NPHP1: variants seen among roughly 807,000 people sequenced by gnomAD.
NPHP1 encodes nephrocystin-1.
In NPHP1, 70 loss-of-function variants were observed where a neutral mutation model predicts 90.4. That is an observed-to-expected ratio of 0.77 (90% CI 0.64 to 0.95). The LOEUF (loss-of-function observed/expected upper bound fraction) is 0.95. NPHP1 is among the 40% of genes least tolerant of loss of function. The pLI is 0.00. For missense variants in NPHP1, 764 were observed against 795.9 expected (o/e 0.96, Z 0.48); for synonymous variants, 256 against 271.7 (o/e 0.94, Z 0.57).
intron 11 of NPHP1, among the ~76,000 whole-genome samples, chr2:110,151,605 T>C (rs868551408): frequency 6.6e-6 from 1 of 152,152 alleles, no homozygotes; most frequent in South Asian, 2.1e-4. Flanking sequence ...GTAGTAGGAA[T>C]ATAGGAGTAT....
At chr2:110,193,661 T>C (rs1453064323) in intron 2 of NPHP1, among the ~76,000 whole-genome samples, 2 of 152,176 alleles carry the variant, frequency 1.3e-5, no homozygotes, top group South Asian at 2.1e-4. Context: ...GTGGACCTAA[T>C]AGACATCTAC....
chr2:110,158,358 T>A (rs1457863974), intron 11 of NPHP1, among the ~76,000 whole-genome samples: 1 of 152,116 alleles, frequency 6.6e-6, no homozygotes, highest in Non-Finnish European at 1.5e-5. Context: ...TTACTAATTT[T>A]CTGTCTGCTT....
intron 2 of NPHP1, among the ~76,000 whole-genome samples, chr2:110,196,843 T>C (rs572826312): frequency 1.3e-5 from 2 of 152,164 alleles, no homozygotes; most frequent in Non-Finnish European, 2.9e-5. Context: ...GATGAGTTCA[T>C]GTCCTTTGAA....
intron 2 of NPHP1, among the ~76,000 whole-genome samples, chr2:110,193,522 C>A (rs1219037957): frequency 6.6e-6 from 1 of 152,016 alleles, no homozygotes; most frequent in Non-Finnish European, 1.5e-5. Flanking sequence ...CCTTAGAGAC[C>A]TAGAAAGAGA....
intron 16 of NPHP1, among the ~76,000 whole-genome samples, chr2:110,133,692 T>C (rs1302099219): frequency 6.6e-6 from 1 of 152,128 alleles, no homozygotes; most frequent in East Asian, 1.9e-4. Context: ...CTTTTTTCAA[T>C]CATAATGAAA....
intron 19 of NPHP1, chr2:110,124,698 A>C: frequency 5.7e-6 from 1 of 174,066 alleles, no homozygotes. Flanking sequence ...CACAGGCAGC[A>C]GAGTCTACAC....
At chr2:110,176,166 A>C (rs766667603) in intron 4 of NPHP1, among the ~76,000 whole-genome samples, 34 of 152,014 alleles carry the variant, frequency 2.2e-4, no homozygotes, top group Non-Finnish European at 5.9e-5. Flanking sequence ...TAATTCTCAC[A>C]TCTCCGAGCT....
At chr2:110,160,355 A>C (rs913288239) in intron 10 of NPHP1, 100 bp from the exon 11 acceptor site, 2 of 910,930 alleles carry the variant, frequency 2.2e-6, no homozygotes, top group African/African-American at 3.4e-5. Flanking sequence ...CAGAATTTTT[A>C]AAAAAGAAAA....
At chr2:110,136,421 AC>A (rs919627926) in intron 16 of NPHP1, among the ~76,000 whole-genome samples, 2 of 152,190 alleles carry the variant, frequency 1.3e-5, no homozygotes, top group African/African-American at 4.8e-5. Flanking sequence ...TATCTAGAAA[AC>A]CCCATTGTCT....
chr2:110,193,473 T>A (rs1341810025), intron 2 of NPHP1, among the ~76,000 whole-genome samples: 3 of 152,090 alleles, frequency 2.0e-5, no homozygotes, highest in African/African-American at 7.2e-5. Flanking sequence ...TAAATATATA[T>A]GCACCCAATA....
chr2:110,160,932 A>G (rs936587162), intron 10 of NPHP1, among the ~76,000 whole-genome samples: 1 of 151,962 alleles, frequency 6.6e-6, no homozygotes, highest in African/African-American at 2.4e-5. Context: ...TTTGGGAGGG[A>G]TAGGAGGGCA....
chr2:110,172,765 G>A (rs781426819), intron 4 of NPHP1, among the ~76,000 whole-genome samples: 6 of 151,912 alleles, frequency 3.9e-5, no homozygotes, highest in African/African-American at 1.2e-4. Flanking sequence ...TCTGGGTAAC[G>A]GAGACCCTGT....
chr2:110,147,333 C>T (rs1681131963), intron 13 of NPHP1, among the ~76,000 whole-genome samples: 1 of 151,986 alleles, frequency 6.6e-6, no homozygotes, highest in Non-Finnish European at 1.5e-5. Context: ...ATGAATTTGC[C>T]TTAAACAAAT....
chr2:110,185,174 CCTT>C, intron 2 of NPHP1: 1 of 557,180 alleles, frequency 1.8e-6, no homozygotes, highest in Admixed American at 1.9e-5. Flanking sequence ...CACAGGAAAA[CCTT>C]CTAATGTTGG....
chr2:110,168,414 A>G, intron 6 of NPHP1, 38 bp downstream of exon 6: 1 of 1,315,906 alleles, frequency 7.6e-7, no homozygotes. Flanking sequence ...CGAAAAAAAA[A>G]AAAGTCTTAG....
At position 110,178,550 on chromosome 2, in the gene NPHP1, A is replaced by G. The variant is rs974400100; in HGVS notation, c.205-3T>C. 6.2e-7 allele frequency: 1 copy of G among 1,608,982 alleles called. No homozygotes were observed. The highest frequency in any genetic ancestry group is 1.3e-5 in the African/African-American group (1 of 74,710). ...GCAACAGGTGCAGATTCATCAGCCT[A>G]TGAGAGAATATAGGTCTATTTCACT... On this transcript the variant is annotated splice_region_variant and splice_polypyrimidine_tract_variant and intron_variant, in intron 3 of 19. Coordinates refer to ENST00000445609, the MANE Select transcript of NPHP1 (RefSeq NM_001128178.3).
intron 2 of NPHP1, among the ~76,000 whole-genome samples, chr2:110,181,879 G>A (rs1683930273): frequency 6.6e-6 from 1 of 152,134 alleles, no homozygotes; most frequent in Non-Finnish European, 1.5e-5. Context: ...CTGCAAAGAA[G>A]CTAAGAATCA....
At chr2:110,140,652 A>G (rs1447340823) in intron 16 of NPHP1, among the ~76,000 whole-genome samples, 1 of 152,106 alleles carries the variant, frequency 6.6e-6, no homozygotes, top group Non-Finnish European at 1.5e-5. Context: ...GAGGCCAAAG[A>G]TGTAGGAAGA....
chr2:110,158,302 C>G (rs1401092161), intron 11 of NPHP1, among the ~76,000 whole-genome samples: 1 of 152,020 alleles, frequency 6.6e-6, no homozygotes, highest in Non-Finnish European at 1.5e-5. Context: ...ATGTGAATAT[C>G]AATCTAATCC....
Sources: allele counts gnomAD v4.1 joint callset (sites outside exome capture counted in the v4.1 genomes callset), GRCh38; gene constraint gnomAD v4.1.1; transcripts MANE v1.5; gene names NCBI Gene and HGNC (gene_info 2026-07-23, HGNC 2026-07-21).